The following TMEM178B variants were observed in gnomAD, a reference collection of about 807,000 sequenced individuals.
The protein encoded by TMEM178B is transmembrane protein 178B.
A neutral mutation model predicts 31.0 loss-of-function variants in TMEM178B; 5 were observed. The ratio of observed to expected loss-of-function variants is 0.16; its 90% confidence interval spans 0.08 to 0.34. The LOEUF is 0.34. Ranked by LOEUF, TMEM178B falls within the 10% of genes least tolerant of loss-of-function variation. The probability of loss-of-function intolerance (pLI) is 1.00; values close to 1 mark genes in which losing one functional copy is unlikely to be tolerated. For missense variants in TMEM178B, 275 were observed against 400.3 expected (o/e 0.69, Z 2.67); for synonymous variants, 164 against 164.0 (o/e 1.00, Z 0.00).
chr7:141,227,807 T>C (rs371668293), intron 2 of TMEM178B, among the ~76,000 whole-genome samples: 2 of 152,312 alleles, frequency 1.3e-5, no homozygotes, highest in Admixed American at 6.5e-5. Flanking sequence ...GCAGGGATTC[T>C]GAGGAGTATG....
downstream of TMEM178B, among the ~76,000 whole-genome samples, chr7:141,483,083 A>T (rs1802504879): frequency 6.6e-6 from 1 of 152,196 alleles, no homozygotes; most frequent in African/African-American, 2.4e-5. Context: ...GACCCAAGGT[A>T]CAGCAGGTGA....
intron 2 of TMEM178B, among the ~76,000 whole-genome samples, chr7:141,213,697 C>G (rs1797084197): frequency 6.6e-6 from 1 of 152,206 alleles, no homozygotes; most frequent in Non-Finnish European, 1.5e-5. Context: ...GTCGATTAGG[C>G]CCACCAGGTG....
intron 1 of TMEM178B, among the ~76,000 whole-genome samples, chr7:141,117,099 C>T (rs1052193294): frequency 6.6e-6 from 1 of 152,162 alleles, no homozygotes; most frequent in Non-Finnish European, 1.5e-5. Flanking sequence ...CACTGTCTTC[C>T]ACAATGGTTG....
At position 141,196,982 on chromosome 7, in the gene TMEM178B, A is replaced by G. The variant is rs1796792657; in HGVS notation, c.383-15609A>G. On this transcript the variant is annotated intron_variant, in intron 1 of 3. Transcript: ENST00000565468. ...GAAACTGAGGTCAGTAACTGAGGCC[A>G]GAAGAAGACAGGATGATAGGAAGCT... Among the ~76,000 whole-genome samples, 3 of 152,192 alleles carry G rather than the reference A, an allele frequency of 2.0e-5. No individual in the cohort carries two copies. In the South Asian group the frequency reaches 6.2e-4, roughly 31 times the overall value.
chr7:141,296,228 C>T (rs374731111), intron 2 of TMEM178B, among the ~76,000 whole-genome samples: 18 of 151,974 alleles, frequency 1.2e-4, no homozygotes, highest in African/African-American at 4.4e-4. Flanking sequence ...CCATCACGCT[C>T]GTCTAATTTT....
downstream of TMEM178B, among the ~76,000 whole-genome samples, chr7:141,482,207 C>T (rs1802487299): frequency 1.3e-5 from 2 of 152,200 alleles, no homozygotes; most frequent in South Asian, 4.1e-4. Context: ...CTAGTGAGAG[C>T]TGTTAAATAA....
chr7:141,437,713 A>G lies in TMEM178B; in HGVS notation c.602A>G (p.Gln201Arg). Residue 201 changes from glutamine to arginine, a missense_variant, in exon 3 of 4, where the codon CAG (glutamine) becomes CGG (arginine). By Grantham distance (43) the Gln-to-Arg change is conservative. Coordinates refer to ENST00000565468, the MANE Select transcript of TMEM178B (RefSeq NM_001195278.2). ...LGCCWDRGLM[Q>R]YVAGLLFLMG... Reference sequence around the variant, plus strand: ...TGCTGCTGGGACCGAGGCCTTATGCAGTACGTGGCAGGGCTGCTCTTCCTC... The same window carrying G: ...TGCTGCTGGGACCGAGGCCTTATGCGGTACGTGGCAGGGCTGCTCTTCCTC... 1 of 1,536,120 alleles carries G rather than the reference A, an allele frequency of 6.5e-7. No homozygotes were observed. Among genetic ancestry groups the G allele is most frequent in the Non-Finnish European group, 8.7e-7 (1 of 1,146,874 alleles).
chr7:141,509,447 C>G, the TMEM178B span, among the ~76,000 whole-genome samples: 6 of 152,080 alleles, frequency 3.9e-5, no homozygotes, highest in Non-Finnish European at 7.4e-5. Flanking sequence ...GTCAGGAGTT[C>G]GAGACCAGCC....
rs1054668393 is a variant in TMEM178B, at chr7:141,472,305, C to G, written c.*1519C>G. 1 of 152,170 alleles carries G rather than the reference C, an allele frequency of 6.6e-6. No homozygotes were observed. Among genetic ancestry groups the G allele is most frequent in the African/African-American group, 2.4e-5 (1 of 41,414 alleles). The allele number at this position is 152,170 out of a possible 1,614,324, so 9.4% of individuals were successfully genotyped here. A position where few individuals can be genotyped will look rare whatever the true frequency, so the allele number is the denominator to read the frequency against. The stretch of plus-strand genomic sequence containing the variant: ...GACTCTTTCCATCCTCTTCCTTTCC[C>G]TCTTGATATTCAAGGCCATGAATCC... On this transcript the variant is annotated 3_prime_UTR_variant, in exon 4 of 4. Coordinates refer to ENST00000565468, the MANE Select transcript of TMEM178B (RefSeq NM_001195278.2).
intron 2 of TMEM178B, among the ~76,000 whole-genome samples, chr7:141,379,365 G>A (rs1292412559): frequency 6.6e-6 from 1 of 151,972 alleles, no homozygotes; most frequent in Non-Finnish European, 1.5e-5. Context: ...TGCACCTGTA[G>A]TCTCAGCTAC....
intron 2 of TMEM178B, among the ~76,000 whole-genome samples, chr7:141,412,680 A>G (rs1337157809): frequency 6.6e-6 from 1 of 152,248 alleles, no homozygotes; most frequent in African/African-American, 2.4e-5. Flanking sequence ...AGCGACGTGC[A>G]GTGCTCAGCG....
At chr7:141,442,243 C>T (rs1801674210) in intron 3 of TMEM178B, among the ~76,000 whole-genome samples, 1 of 152,160 alleles carries the variant, frequency 6.6e-6, no homozygotes, top group Admixed American at 6.5e-5. Flanking sequence ...TCCCACACTC[C>T]CTGGAAGACA....
At chr7:141,448,328 A>G (rs1801799055) in intron 3 of TMEM178B, among the ~76,000 whole-genome samples, 1 of 152,120 alleles carries the variant, frequency 6.6e-6, no homozygotes, top group Admixed American at 6.5e-5. Flanking sequence ...CATTATTTCA[A>G]TGTGGACATG....
At chr7:141,085,204 C>A (rs1017985661) in intron 1 of TMEM178B, among the ~76,000 whole-genome samples, 5 of 146,936 alleles carry the variant, frequency 3.4e-5, no homozygotes, top group African/African-American at 1.3e-4. Flanking sequence ...ACCATGTTGG[C>A]CAGGCTGGTC....
chr7:141,119,137 C>T (rs1040980048), intron 1 of TMEM178B, among the ~76,000 whole-genome samples: 22 of 152,140 alleles, frequency 1.4e-4, no homozygotes, highest in Non-Finnish European at 2.2e-4. Context: ...GCTGGGGGCA[C>T]CTGGGGCTCC....
intron 1 of TMEM178B, among the ~76,000 whole-genome samples, chr7:141,184,851 A>C (rs748672581): frequency 3.3e-5 from 5 of 152,212 alleles, no homozygotes; most frequent in Non-Finnish European, 4.4e-5. Context: ...TGGTACAAAT[A>C]AACTTCTGGA....
At chr7:141,167,039 G>A (rs1796273800) in intron 1 of TMEM178B, among the ~76,000 whole-genome samples, 2 of 152,168 alleles carry the variant, frequency 1.3e-5, no homozygotes, top group Non-Finnish European at 2.9e-5. Context: ...AAAGATCATA[G>A]CCAGTAGCTT....
At chr7:141,263,101 T>C (rs1798040261) in intron 2 of TMEM178B, among the ~76,000 whole-genome samples, 1 of 152,110 alleles carries the variant, frequency 6.6e-6, no homozygotes, top group African/African-American at 2.4e-5. Flanking sequence ...CCACTGCAGA[T>C]AGCAGCACAA....
At chr7:141,100,047 C>A (rs1305576434) in intron 1 of TMEM178B, among the ~76,000 whole-genome samples, 1 of 152,106 alleles carries the variant, frequency 6.6e-6, no homozygotes, top group African/African-American at 2.4e-5. Context: ...TCTCGATCTC[C>A]TGACCTCGTG....
Sources: gnomAD v4.1 joint callset for allele counts (sites outside exome capture counted in the v4.1 genomes callset) on GRCh38, gnomAD v4.1.1 for gene constraint, MANE v1.5 for transcripts, NCBI Gene and HGNC (gene_info 2026-07-23, HGNC 2026-07-21) for gene names.